The following CSMD1 variants were observed in gnomAD, a reference collection of about 807,000 sequenced individuals.
CSMD1 encodes CUB and sushi domain-containing protein 1.
In CSMD1, 213 loss-of-function variants were observed where a neutral mutation model predicts 417.5. The ratio of observed to expected loss-of-function variants is 0.51; its 90% CI spans 0.46 to 0.57. CSMD1 has a LOEUF of 0.57. CSMD1 is among the 20% of genes least tolerant of loss of function. CSMD1 has a pLI of 0.00. For synonymous variants in CSMD1, 2,862 were observed against 1,736.8 expected (o/e 1.65, Z -16.11); for missense variants, 6,923 against 4,529.7 (o/e 1.53, Z -15.17).
In CSMD1 at chr8:4,661,179, C is replaced by T. The variant is rs111995896; in HGVS notation, c.86-23621G>A. Among the ~76,000 whole-genome samples, 796 of 152,172 alleles carry T rather than the reference C, an allele frequency of 5.2e-3. 12 individuals carry two copies. The highest frequency in any genetic ancestry group is 0.018 in the African/African-American group (731 of 41,524). ...ACCTGCACATGAAATTTTATAGCAG[C>T]GTTATCTGGAATAAGCAAAAACTGA... On this transcript the variant is annotated intron_variant, in intron 1 of 69. Coordinates refer to ENST00000635120, the MANE Select transcript of CSMD1 (RefSeq NM_033225.6).
chr8:4,311,541 G>T (rs143449679), intron 3 of CSMD1, among the ~76,000 whole-genome samples: 3 of 152,050 alleles, frequency 2.0e-5, no homozygotes, highest in East Asian at 1.9e-4. Flanking sequence ...TGACCAATAC[G>T]GTGAAACCCT....
At chr8:3,215,828 A>G (rs1486940517) in intron 29 of CSMD1, among the ~76,000 whole-genome samples, 1 of 152,074 alleles carries the variant, frequency 6.6e-6, no homozygotes, top group African/African-American at 2.4e-5. Flanking sequence ...AACTTTGGGA[A>G]GCTCTGGAGG....
chr8:4,070,215 C>T (rs1375105611), intron 3 of CSMD1, among the ~76,000 whole-genome samples: 1 of 151,864 alleles, frequency 6.6e-6, no homozygotes, highest in Non-Finnish European at 1.5e-5. Context: ...TGTTTCTTGT[C>T]TTTTCTTTTT....
rs537001336 is a variant in CSMD1, at chr8:3,853,945, A to C, written c.819-99903T>G. Among the ~76,000 whole-genome samples, 324 of 146,714 alleles carry C rather than the reference A, an allele frequency of 2.2e-3. 1 individual carries two copies. The highest frequency in any genetic ancestry group is 6.6e-3 in the African/African-American group (268 of 40,500). ...TAATATATTAATATATTAAAGTATA[A>C]TATATTAATATATTAAATATATCAT... On this transcript the variant is annotated intron_variant, in intron 5 of 69. Transcript: ENST00000635120.
At chr8:4,063,865 C>G (rs1336500402) in intron 3 of CSMD1, among the ~76,000 whole-genome samples, 10 of 152,216 alleles carry the variant, frequency 6.6e-5, no homozygotes, top group Non-Finnish European at 1.5e-4. Flanking sequence ...TTTGTCACAT[C>G]AGCATTTTAC....
chr8:3,663,767 C>T (rs1798542192), intron 7 of CSMD1, among the ~76,000 whole-genome samples: 1 of 152,160 alleles, frequency 6.6e-6, no homozygotes, highest in Non-Finnish European at 1.5e-5. Context: ...ACGTTCACCT[C>T]ACATATGCTG....
At chr8:2,986,059 G>A (rs903112815) in intron 54 of CSMD1, among the ~76,000 whole-genome samples, 2 of 144,450 alleles carry the variant, frequency 1.4e-5, no homozygotes, top group African/African-American at 5.6e-5. Context: ...AAGGAAGGAA[G>A]GAAGGAAAGA....
intron 2 of CSMD1, among the ~76,000 whole-genome samples, chr8:4,524,015 C>G (rs751436194): frequency 6.6e-6 from 1 of 151,994 alleles, no homozygotes; most frequent in Non-Finnish European, 1.5e-5. Context: ...TTTTGGATCT[C>G]CAACATTAAA....
intron 26 of CSMD1, among the ~76,000 whole-genome samples, chr8:3,252,440 G>C (rs1800340604): frequency 6.6e-6 from 1 of 152,150 alleles, no homozygotes; most frequent in Admixed American, 6.5e-5. Context: ...TAAGCTTTTT[G>C]ATATATTGTT....
chr8:4,305,409 C>T (rs952753242), intron 3 of CSMD1, among the ~76,000 whole-genome samples: 1 of 152,070 alleles, frequency 6.6e-6, no homozygotes, highest in Admixed American at 6.6e-5. Flanking sequence ...GTTCCATCAG[C>T]TTAAGTGAAA....
intron 1 of CSMD1, among the ~76,000 whole-genome samples, chr8:4,779,371 A>C (rs1023108386): frequency 2.6e-5 from 4 of 152,334 alleles, no homozygotes; most frequent in African/African-American, 9.6e-5. Context: ...TTTTTACAGA[A>C]GAGTTCATAA....
intron 1 of CSMD1, among the ~76,000 whole-genome samples, chr8:4,955,148 T>C (rs888741835): frequency 6.6e-6 from 1 of 152,178 alleles, no homozygotes; most frequent in Admixed American, 6.5e-5. Context: ...CAGTTCCCTA[T>C]ATCAGAAACC....
intron 4 of CSMD1, among the ~76,000 whole-genome samples, chr8:4,028,913 T>C (rs931653303): frequency 1.3e-5 from 2 of 152,196 alleles, no homozygotes; most frequent in Non-Finnish European, 2.9e-5. Context: ...TGCTCTTTTC[T>C]AAAGTCATTG....
At chr8:3,534,667 T>C (rs2117528236) in intron 10 of CSMD1, among the ~76,000 whole-genome samples, 1 of 152,326 alleles carries the variant, frequency 6.6e-6, no homozygotes, top group Middle Eastern at 3.4e-3. Flanking sequence ...CCAAACAATT[T>C]TAGAAAACCA....
At chr8:3,559,109 G>C (rs1302794209) in intron 10 of CSMD1, among the ~76,000 whole-genome samples, 1 of 152,196 alleles carries the variant, frequency 6.6e-6, no homozygotes, top group Non-Finnish European at 1.5e-5. Flanking sequence ...TTTTAACTTT[G>C]CTATCAACGC....
intron 3 of CSMD1, among the ~76,000 whole-genome samples, chr8:4,065,721 G>A (rs1799211140): frequency 6.6e-6 from 1 of 152,214 alleles, no homozygotes; most frequent in African/African-American, 2.4e-5. Flanking sequence ...GCTAGGTTAT[G>A]TAAACATAGG....
At chr8:3,675,502 T>A (rs1799326051) in intron 7 of CSMD1, among the ~76,000 whole-genome samples, 1 of 152,144 alleles carries the variant, frequency 6.6e-6, no homozygotes, top group South Asian at 2.1e-4. Flanking sequence ...CCAAAATTCA[T>A]ATGTTGAAGC....
chr8:4,151,916 C>T (rs573090992), intron 3 of CSMD1, among the ~76,000 whole-genome samples: 1 of 152,142 alleles, frequency 6.6e-6, no homozygotes, highest in Admixed American at 6.5e-5. Context: ...ATTTGTCTAT[C>T]AGCAGAGATA....
At chr8:3,627,219 A>T (rs1796537270) in intron 7 of CSMD1, among the ~76,000 whole-genome samples, 1 of 152,132 alleles carries the variant, frequency 6.6e-6, no homozygotes, top group African/African-American at 2.4e-5. Flanking sequence ...AAATTGAGAG[A>T]ACTGAGTTTA....
Sources: gnomAD v4.1 joint callset for allele counts (sites outside exome capture counted in the v4.1 genomes callset) on GRCh38, gnomAD v4.1.1 for gene constraint, MANE v1.5 for transcripts, NCBI Gene and HGNC (gene_info 2026-07-23, HGNC 2026-07-21) for gene names.